The following CDH12 variants were observed in gnomAD, a reference collection of about 807,000 sequenced individuals.
CDH12 encodes cadherin 12, also known as cadherin-12.
Under a neutral mutation model 74.1 loss-of-function variants are expected in CDH12, and 41 were observed. The observed-to-expected ratio is 0.55, with a 90% confidence interval of 0.43 to 0.72. The LOEUF is 0.72. Among genes scored for constraint, CDH12 ranks in the 30% least tolerant of loss-of-function variants. The probability of loss-of-function intolerance (pLI) is 0.00; values close to 1 mark genes in which losing one functional copy is unlikely to be tolerated. For missense variants in CDH12, 945 were observed against 977.2 expected (o/e 0.97, Z 0.44); for synonymous variants, 399 against 355.0 (o/e 1.12, Z -1.39).
rs1486265045 is a variant in CDH12, at chr5:22,599,273, A to G, written c.-522-93909T>C. Reference sequence around the variant, plus strand: ...TAAAACCTCAGAAGTCTTCCTTGACAGAAGAATACTGGGCTGGTGATAAGA... The same window carrying G: ...TAAAACCTCAGAAGTCTTCCTTGACGGAAGAATACTGGGCTGGTGATAAGA... On this transcript the variant is annotated intron_variant, in intron 1 of 14. Coordinates refer to ENST00000382254, the MANE Select transcript of CDH12 (RefSeq NM_004061.5). Among the ~76,000 whole-genome samples, 6 of 152,316 alleles carry G rather than the reference A, an allele frequency of 3.9e-5. No homozygotes were observed. The East Asian group carries it at 1.2e-3, about 29-fold the overall frequency.
chr5:22,378,972 C>G (rs1303245097), intron 3 of CDH12, among the ~76,000 whole-genome samples: 3 of 152,018 alleles, frequency 2.0e-5, no homozygotes, highest in African/African-American at 7.2e-5. Flanking sequence ...ATAGAGTCAA[C>G]TATTGTTTCA....
At chr5:22,283,247 TATATAC>T (rs1441361689) in intron 3 of CDH12, among the ~76,000 whole-genome samples, 10 of 115,496 alleles carry the variant, frequency 8.7e-5, no homozygotes, top group African/African-American at 3.5e-4. Flanking sequence ...TATATATATA[TATATAC>T]ACACACACAC....
intron 1 of CDH12, among the ~76,000 whole-genome samples, chr5:22,582,928 G>C (rs1740176983): frequency 6.6e-6 from 1 of 152,032 alleles, no homozygotes; most frequent in Non-Finnish European, 1.5e-5. Flanking sequence ...ACCCTCACAT[G>C]TTTCTGGCTC....
chr5:22,833,813 T>C (rs552625317), intron 1 of CDH12, among the ~76,000 whole-genome samples: 169 of 152,306 alleles, frequency 1.1e-3, no homozygotes, highest in African/African-American at 3.9e-3. Flanking sequence ...TCATCTGTCT[T>C]GGAAAATCTT....
chr5:22,816,204 T>A (rs1749386057), intron 1 of CDH12, among the ~76,000 whole-genome samples: 1 of 152,164 alleles, frequency 6.6e-6, no homozygotes, highest in Non-Finnish European at 1.5e-5. Flanking sequence ...ATTATAAAAC[T>A]TGAACGAGGT....
At chr5:22,319,323 C>A (rs1738762541) in intron 3 of CDH12, among the ~76,000 whole-genome samples, 1 of 152,128 alleles carries the variant, frequency 6.6e-6, no homozygotes, top group African/African-American at 2.4e-5. Context: ...GGGATGTCAA[C>A]CTTTCTTATT....
At chr5:22,225,136 G>A (rs540561541) in intron 3 of CDH12, among the ~76,000 whole-genome samples, 2 of 151,972 alleles carry the variant, frequency 1.3e-5, no homozygotes, top group South Asian at 4.1e-4. Flanking sequence ...TTACCATAAC[G>A]ATTCGGTTGC....
At chr5:22,255,367 C>T (rs1753274847) in intron 3 of CDH12, among the ~76,000 whole-genome samples, 1 of 151,386 alleles carries the variant, frequency 6.6e-6, no homozygotes, top group South Asian at 2.1e-4. Context: ...ATACAAATAC[C>T]TATAATTATT....
At chr5:22,760,968 A>G (rs1157055683) in intron 1 of CDH12, among the ~76,000 whole-genome samples, 2 of 152,024 alleles carry the variant, frequency 1.3e-5, no homozygotes, top group Non-Finnish European at 1.5e-5. Context: ...ATTTTAAAAT[A>G]CTCTCCATCA....
intron 1 of CDH12, among the ~76,000 whole-genome samples, chr5:22,774,239 T>C (rs1344139560): frequency 6.6e-6 from 1 of 152,162 alleles, no homozygotes; most frequent in African/African-American, 2.4e-5. Flanking sequence ...TGCCTATAAA[T>C]GGTAGTTTCA....
intron 1 of CDH12, among the ~76,000 whole-genome samples, chr5:22,719,675 T>C (rs1743776171): frequency 6.6e-6 from 1 of 152,190 alleles, no homozygotes; most frequent in Non-Finnish European, 1.5e-5. Context: ...AGGTATTAGA[T>C]GTCATTTTGG....
chr5:22,089,699 T>G (rs975829508), intron 4 of CDH12, among the ~76,000 whole-genome samples: 1 of 151,890 alleles, frequency 6.6e-6, no homozygotes, highest in African/African-American at 2.4e-5. Context: ...TATAATTACA[T>G]TAAAAATCAA....
intron 1 of CDH12, among the ~76,000 whole-genome samples, chr5:22,783,307 GA>G (rs1259531170): frequency 6.6e-6 from 1 of 151,298 alleles, no homozygotes; most frequent in African/African-American, 2.5e-5. Flanking sequence ...CTATCCCAGT[GA>G]ATTGCATCCT....
chr5:22,232,042 T>C (rs1199195074), intron 3 of CDH12, among the ~76,000 whole-genome samples: 2 of 151,840 alleles, frequency 1.3e-5, no homozygotes, highest in African/African-American at 4.8e-5. Flanking sequence ...CACTTAAATA[T>C]AATCTATAAG....
chr5:22,071,549 T>C (rs1741938806), intron 5 of CDH12, among the ~76,000 whole-genome samples: 2 of 152,154 alleles, frequency 1.3e-5, no homozygotes, highest in African/African-American at 2.4e-5. Flanking sequence ...ACACTAATGC[T>C]TGCCTTTTGC....
At chr5:21,946,564 A>G (rs1218989247) in intron 6 of CDH12, among the ~76,000 whole-genome samples, 1 of 152,210 alleles carries the variant, frequency 6.6e-6, no homozygotes, top group African/African-American at 2.4e-5. Context: ...AGATCTTGAC[A>G]TTACACATAT....
In CDH12 at chr5:22,268,512, T is replaced by C. The variant is rs569592918; in HGVS notation, c.-332-55869A>G. Among the ~76,000 whole-genome samples, 3 of 152,164 alleles carry C rather than the reference T, an allele frequency of 2.0e-5. No individual in the cohort carries two copies. The South Asian group carries it at 6.2e-4, about 32-fold the overall frequency. On this transcript the variant is annotated intron_variant, in intron 3 of 14. Transcript: ENST00000382254. The stretch of plus-strand genomic sequence containing the variant: ...TATAAACTTAGTCAAAATTATAAAG[T>C]GACATATTAATTAAATTGAAGAGGA...
intron 3 of CDH12, among the ~76,000 whole-genome samples, chr5:22,257,298 C>G (rs1753352313): frequency 6.6e-6 from 1 of 151,912 alleles, no homozygotes; most frequent in African/African-American, 2.4e-5. Context: ...TGTAACAAAC[C>G]TGCACTTGTA....
intron 4 of CDH12, among the ~76,000 whole-genome samples, chr5:22,155,307 G>T (rs924124475): frequency 6.6e-6 from 1 of 152,022 alleles, no homozygotes; most frequent in Non-Finnish European, 1.5e-5. Context: ...TTGCTGGAGG[G>T]GTAGTCTTTG....
Sources: gnomAD v4.1 joint callset for allele counts (sites outside exome capture counted in the v4.1 genomes callset) on GRCh38, gnomAD v4.1.1 for gene constraint, MANE v1.5 for transcripts, NCBI Gene and HGNC (gene_info 2026-07-23, HGNC 2026-07-21) for gene names.